The following NTRK3 variants were observed in gnomAD, a reference collection of about 807,000 sequenced individuals.
NTRK3 encodes NT-3 growth factor receptor.
A neutral mutation model predicts 91.7 loss-of-function variants in NTRK3; 24 were observed. That is an observed-to-expected ratio of 0.26 (90% CI 0.19 to 0.37). NTRK3 has a LOEUF of 0.37. NTRK3 is among the 10% of genes least tolerant of loss of function. The probability of loss-of-function intolerance (pLI) is 1.00; values close to 1 mark genes in which losing one functional copy is unlikely to be tolerated. For missense variants in NTRK3, 880 were observed against 1,068.9 expected (o/e 0.82, Z 2.46); for synonymous variants, 483 against 404.0 (o/e 1.20, Z -2.34).
In NTRK3 at chr15:88,108,431, A is replaced by G. The variant is rs16941257; in HGVS notation, c.1396+17840T>C. Among the ~76,000 whole-genome samples the G allele has an allele frequency of 8.2e-3, 1,250 of 152,290 alleles. 11 individuals carry two copies. Among genetic ancestry groups the G allele is most frequent in the African/African-American group, 0.028 (1,181 of 41,554 alleles). On this transcript the variant is annotated intron_variant, in intron 13 of 18. Coordinates refer to ENST00000394480, the Ensembl canonical transcript of NTRK3. The stretch of plus-strand genomic sequence containing the variant: ...TTCAAACCTGGTGATCCTAAAAAGA[A>G]TAGCCCATATATGCAATGGGTGCTC...
chr15:88,160,817 G>C (rs1014768593), intron 5 of NTRK3, among the ~76,000 whole-genome samples: 1 of 152,198 alleles, frequency 6.6e-6, no homozygotes, highest in Admixed American at 6.5e-5. Context: ...AACAGTGGCT[G>C]TGTGGGTTTG....
chr15:88,115,828 G>A (rs890235253), intron 13 of NTRK3, among the ~76,000 whole-genome samples: 10 of 152,048 alleles, frequency 6.6e-5, no homozygotes, highest in Admixed American at 2.0e-4. Context: ...CGGGCAGCCC[G>A]GGCAGCCCAC....
At chr15:87,959,525 A>G (rs1254608616) in intron 14 of NTRK3, among the ~76,000 whole-genome samples, 1 of 152,194 alleles carries the variant, frequency 6.6e-6, no homozygotes, top group Non-Finnish European at 1.5e-5. Context: ...GCCCAACAGG[A>G]CATCAATCAC....
chr15:88,152,196 G>A (rs183991409), intron 5 of NTRK3, among the ~76,000 whole-genome samples: 4 of 152,222 alleles, frequency 2.6e-5, no homozygotes, highest in Admixed American at 2.6e-4. Context: ...AGCTACTTGG[G>A]AGACTGAGAC....
chr15:88,132,360 T>G (rs952456887), intron 10 of NTRK3, among the ~76,000 whole-genome samples: 11 of 152,216 alleles, frequency 7.2e-5, no homozygotes, highest in African/African-American at 2.7e-4. Flanking sequence ...TCATGGTAGC[T>G]TAGATGGGAG....
chr15:87,868,450 C>G (rs868249749), exon 19 of NTRK3: 1 of 219,608 alleles, frequency 4.6e-6, no homozygotes, highest in Admixed American at 5.8e-5. Flanking sequence ...AAATGAAAGA[C>G]AAGAGGCAAG....
intron 14 of NTRK3, among the ~76,000 whole-genome samples, chr15:88,010,904 G>A (rs1292351191): frequency 6.6e-6 from 1 of 152,054 alleles, no homozygotes; most frequent in African/African-American, 2.4e-5. Flanking sequence ...CCTGGATCTG[G>A]CTTGCATTCT....
At chr15:88,245,756 T>C (rs1262836827) in intron 3 of NTRK3, among the ~76,000 whole-genome samples, 1 of 152,192 alleles carries the variant, frequency 6.6e-6, no homozygotes, top group African/African-American at 2.4e-5. Context: ...CTTATGTTTA[T>C]TATTTTCATA....
chr15:88,129,976 AAC>A (rs1331572779), intron 10 of NTRK3, among the ~76,000 whole-genome samples: 1 of 152,184 alleles, frequency 6.6e-6, no homozygotes, highest in African/African-American at 2.4e-5. Flanking sequence ...TTTGAACGTC[AAC>A]ACACACGCAC....
At chr15:88,099,492 T>A (rs1485897298) in intron 13 of NTRK3, among the ~76,000 whole-genome samples, 1 of 152,234 alleles carries the variant, frequency 6.6e-6, no homozygotes, top group African/African-American at 2.4e-5. Context: ...TTTTACTGAC[T>A]GATCTCATCC....
intron 13 of NTRK3, among the ~76,000 whole-genome samples, chr15:88,040,571 C>T (rs552510540): frequency 6.6e-6 from 1 of 152,310 alleles, no homozygotes; most frequent in South Asian, 2.1e-4. Context: ...TCTCTAATGC[C>T]CTACTGTTGG....
chr15:88,145,067 C>T (rs2042760648), intron 6 of NTRK3, among the ~76,000 whole-genome samples: 1 of 152,198 alleles, frequency 6.6e-6, no homozygotes, highest in South Asian at 2.1e-4. Context: ...AAATACACAA[C>T]CCATCCCCAC....
intron 5 of NTRK3, among the ~76,000 whole-genome samples, chr15:88,165,715 A>G (rs746946488): frequency 2.4e-4 from 36 of 152,244 alleles, no homozygotes; most frequent in Admixed American, 5.2e-4. Flanking sequence ...TTGACAGATA[A>G]GCAATTCAAT....
chr15:87,992,975 T>A (rs1371899682), intron 14 of NTRK3, among the ~76,000 whole-genome samples: 3 of 152,240 alleles, frequency 2.0e-5, no homozygotes, highest in African/African-American at 7.2e-5. Flanking sequence ...TGCCACATTA[T>A]CTTCAGGCTG....
At chr15:88,158,018 C>T (rs1991284) in intron 5 of NTRK3, among the ~76,000 whole-genome samples, 37,973 of 152,118 alleles carry the variant, frequency 0.25, 5,396 homozygotes, top group African/African-American at 0.39. Context: ...CTCACGGGCC[C>T]GGGTGCCGGT....
intron 6 of NTRK3, among the ~76,000 whole-genome samples, chr15:88,144,430 A>T (rs1004706272): frequency 3.3e-5 from 5 of 152,166 alleles, no homozygotes; most frequent in Non-Finnish European, 7.3e-5. Flanking sequence ...GCACTGCAGG[A>T]ACTCTGAGAT....
chr15:88,093,820 G>C (rs374459073), intron 13 of NTRK3, among the ~76,000 whole-genome samples: 3 of 152,132 alleles, frequency 2.0e-5, no homozygotes, highest in South Asian at 4.1e-4. Context: ...CCTCAAGCGG[G>C]GGGGTTGCTA....
At chr15:88,049,881 G>C (rs1266220032) in intron 13 of NTRK3, among the ~76,000 whole-genome samples, 1 of 152,224 alleles carries the variant, frequency 6.6e-6, no homozygotes, top group African/African-American at 2.4e-5. Flanking sequence ...GCATCTGCCA[G>C]AGAAAGCTAT....
intron 14 of NTRK3, among the ~76,000 whole-genome samples, chr15:88,026,258 G>A (rs1432353733): frequency 1.3e-5 from 2 of 152,030 alleles, no homozygotes; most frequent in Non-Finnish European, 2.9e-5. Context: ...GCGACAGAGT[G>A]AAACTCCGTT....
Sources: allele counts gnomAD v4.1 joint callset (sites outside exome capture counted in the v4.1 genomes callset), GRCh38; gene constraint gnomAD v4.1.1; transcripts MANE v1.5; gene names NCBI Gene and HGNC (gene_info 2026-07-23, HGNC 2026-07-21).